FHIT: variants seen among roughly 807,000 people sequenced by gnomAD.
The protein encoded by FHIT is fragile histidine triad diadenosine triphosphatase.
Under a neutral mutation model 17.9 loss-of-function variants are expected in FHIT, and 19 were observed. The observed-to-expected ratio is 1.06, with a 90% confidence interval of 0.74 to 1.56. FHIT has a LOEUF of 1.56. Ranked by LOEUF, FHIT falls within the 40% of genes most tolerant of loss-of-function variation. The pLI is 0.00. For missense variants in FHIT, 248 were observed against 189.2 expected, an observed-to-expected ratio of 1.31 and a Z score of -1.82; for synonymous variants, 81 against 69.7, an observed-to-expected ratio of 1.16 and a Z score of -0.81.
At chr3:61,003,787 C>T (rs745520601) in intron 3 of FHIT, among the ~76,000 whole-genome samples, 2 of 152,212 alleles carry the variant, frequency 1.3e-5, no homozygotes, top group Non-Finnish European at 2.9e-5. Context: ...TGCAATTGCC[C>T]ATGCCTTCCA....
chr3:61,096,892 C>T (rs978370956), intron 2 of FHIT, among the ~76,000 whole-genome samples: 1 of 152,072 alleles, frequency 6.6e-6, no homozygotes, highest in African/African-American at 2.4e-5. Context: ...AGGTGCAACA[C>T]CTGAGGTCAG....
intron 5 of FHIT, among the ~76,000 whole-genome samples, chr3:60,308,424 G>C (rs1449920050): frequency 6.6e-6 from 1 of 151,206 alleles, no homozygotes; most frequent in East Asian, 1.9e-4. Context: ...AGACCAGGAG[G>C]ACATCATCCT....
intron 5 of FHIT, among the ~76,000 whole-genome samples, chr3:60,460,146 A>G (rs1427877468): frequency 6.6e-6 from 1 of 151,948 alleles, no homozygotes; most frequent in Non-Finnish European, 1.5e-5. Flanking sequence ...TCTTCAACAA[A>G]TATGTCTATC....
intron 5 of FHIT, among the ~76,000 whole-genome samples, chr3:60,459,359 T>C (rs538406280): frequency 2.0e-5 from 3 of 152,254 alleles, no homozygotes; most frequent in African/African-American, 7.2e-5. Context: ...AGTAAATAAA[T>C]GTCAAAGATC....
In FHIT at chr3:60,443,020, A is replaced by C. The variant is rs537188523; in HGVS notation, c.103+93840T>G. 4.0e-3 allele frequency among the ~76,000 whole-genome samples: 609 copies of C among 152,094 alleles called. 1 individual carries two copies. Among genetic ancestry groups the C allele is most frequent in the Non-Finnish European group, 5.3e-3 (358 of 68,004 alleles). On this transcript the variant is annotated intron_variant, in intron 5 of 9. Transcript: ENST00000492590. Reference sequence around the variant, plus strand: ...TGTAAGTTGGATTCCTAGGTATTTTATTCTCTTTGAAGCAATTGTGAATGG... The same window carrying C: ...TGTAAGTTGGATTCCTAGGTATTTTCTTCTCTTTGAAGCAATTGTGAATGG...
chr3:60,153,664 C>T (rs150072729), intron 5 of FHIT, among the ~76,000 whole-genome samples: 4 of 152,232 alleles, frequency 2.6e-5, no homozygotes, highest in African/African-American at 9.6e-5. Flanking sequence ...CCTAAGGCCA[C>T]GTTTATGAAA....
At chr3:61,095,260 T>G (rs540820577) in intron 2 of FHIT, among the ~76,000 whole-genome samples, 2 of 152,334 alleles carry the variant, frequency 1.3e-5, no homozygotes, top group East Asian at 3.9e-4. Flanking sequence ...TAGCTGTGAA[T>G]CTGGTCACAA....
chr3:60,031,966 A>T (rs1397545093), intron 5 of FHIT, among the ~76,000 whole-genome samples: 1 of 152,232 alleles, frequency 6.6e-6, no homozygotes, highest in Non-Finnish European at 1.5e-5. Context: ...TTTAAAAAAT[A>T]TGTAAAGTAA....
chr3:60,144,394 T>G (rs1380128711), intron 5 of FHIT, among the ~76,000 whole-genome samples: 1 of 152,196 alleles, frequency 6.6e-6, no homozygotes, highest in East Asian at 1.9e-4. Context: ...TTTTATTCAT[T>G]TCTCCAACCA....
chr3:60,091,558 ATGGTTTGAATCTG>A (rs1703732651), intron 5 of FHIT, among the ~76,000 whole-genome samples: 1 of 152,098 alleles, frequency 6.6e-6, no homozygotes. Context: ...ACTGTATGAT[ATGGTTTGAATCTG>A]TGTCCCTGCC....
intron 5 of FHIT, among the ~76,000 whole-genome samples, chr3:60,512,275 C>A (rs2034980722): frequency 1.3e-5 from 2 of 152,156 alleles, no homozygotes; most frequent in Non-Finnish European, 2.9e-5. Context: ...TTGGCACTTT[C>A]TAGTCAACCA....
intron 8 of FHIT, among the ~76,000 whole-genome samples, chr3:59,762,349 G>A (rs1701564825): frequency 6.6e-6 from 1 of 152,172 alleles, no homozygotes; most frequent in Non-Finnish European, 1.5e-5. Context: ...TTTTCAATAA[G>A]CATTGGTCAA....
intron 3 of FHIT, among the ~76,000 whole-genome samples, chr3:60,902,956 A>T (rs1706199653): frequency 6.6e-6 from 1 of 152,224 alleles, no homozygotes; most frequent in Non-Finnish European, 1.5e-5. Flanking sequence ...TTTTGACATC[A>T]GACACCCCAA....
intron 3 of FHIT, among the ~76,000 whole-genome samples, chr3:60,895,675 TTTC>T: frequency 2.2e-5 from 1 of 44,632 alleles, no homozygotes; most frequent in Non-Finnish European, 6.2e-5. Flanking sequence ...CCTTTCTTTC[TTTC>T]TTTCTTTCTT....
At chr3:60,345,895 G>A (rs1439552568) in intron 5 of FHIT, among the ~76,000 whole-genome samples, 1 of 152,144 alleles carries the variant, frequency 6.6e-6, no homozygotes, top group Non-Finnish European at 1.5e-5. Flanking sequence ...CTATTAATTT[G>A]TATTTAAGCT....
At chr3:60,774,566 G>A (rs1700156350) in intron 4 of FHIT, among the ~76,000 whole-genome samples, 2 of 152,142 alleles carry the variant, frequency 1.3e-5, no homozygotes. Context: ...CTCCCAAAGA[G>A]TGGGATTACA....
chr3:60,694,447 C>T (rs1307726292), intron 4 of FHIT, among the ~76,000 whole-genome samples: 1 of 152,132 alleles, frequency 6.6e-6, no homozygotes, highest in African/African-American at 2.4e-5. Context: ...GAAATAGGAA[C>T]ACTTTTACAT....
intron 2 of FHIT, among the ~76,000 whole-genome samples, chr3:61,197,884 T>A (rs1312387611): frequency 6.7e-6 from 1 of 148,692 alleles, no homozygotes; most frequent in Non-Finnish European, 1.5e-5. Flanking sequence ...TACATACACC[T>A]TCTTTGAGAG....
At chr3:61,121,053 T>G (rs2036443140) in intron 2 of FHIT, among the ~76,000 whole-genome samples, 1 of 151,448 alleles carries the variant, frequency 6.6e-6, no homozygotes, top group Non-Finnish European at 1.5e-5. Flanking sequence ...GAAAAAAGAA[T>G]GAAAAGGGAG....
Sources: gnomAD v4.1 joint callset for allele counts (sites outside exome capture counted in the v4.1 genomes callset) on GRCh38, gnomAD v4.1.1 for gene constraint, MANE v1.5 for transcripts, NCBI Gene and HGNC (gene_info 2026-07-23, HGNC 2026-07-21) for gene names.